Variants in FAM117B observed in about 807,000 individuals in gnomAD.
FAM117B encodes the protein protein FAM117B.
In FAM117B, 22 loss-of-function variants were observed where a neutral mutation model predicts 52.8. The ratio of observed to expected loss-of-function variants is 0.42; its 90% CI spans 0.30 to 0.59. The LOEUF is 0.59. Among genes scored for constraint, FAM117B ranks in the 20% least tolerant of loss-of-function variants. The probability of loss-of-function intolerance (pLI) is 0.22; values close to 1 mark genes in which losing one functional copy is unlikely to be tolerated. For synonymous variants in FAM117B, 309 were observed against 324.1 expected (o/e 0.95, Z 0.50); for missense variants, 678 against 802.6 (o/e 0.84, Z 1.88).
At chr2:202,724,536 A>G (rs1559110251) in intron 2 of FAM117B, among the ~76,000 whole-genome samples, 1 of 152,236 alleles carries the variant, frequency 6.6e-6, no homozygotes, top group African/African-American at 2.4e-5. Flanking sequence ...TAAGAGCACA[A>G]GAATGTTAGC....
intron 4 of FAM117B, among the ~76,000 whole-genome samples, chr2:202,749,567 C>T (rs1691689485): frequency 6.6e-6 from 1 of 151,874 alleles, no homozygotes; most frequent in Non-Finnish European, 1.5e-5. Flanking sequence ...TAGTTGTTAT[C>T]TCTGGTGATT....
In FAM117B at chr2:202,756,486, T is replaced by G. The variant is rs1691802086; in HGVS notation, c.1105-727T>G. Among the ~76,000 whole-genome samples, 2 of 152,166 alleles carry G rather than the reference T, an allele frequency of 1.3e-5. 1 individual carries two copies. Among genetic ancestry groups the G allele is most frequent in the Non-Finnish European group, 2.9e-5 (2 of 68,026 alleles). On this transcript the variant is annotated intron_variant, in intron 5 of 7. Coordinates refer to ENST00000392238, the MANE Select transcript of FAM117B (RefSeq NM_173511.4). ...TTAAAAACCATGCCACAGAGTATAT[T>G]TATTTATCTAACCGTCTCTCTATTC... is the stretch of plus-strand genomic sequence containing the variant.
intron 4 of FAM117B, among the ~76,000 whole-genome samples, chr2:202,746,855 A>G (rs1057015962): frequency 1.3e-5 from 2 of 152,136 alleles, no homozygotes; most frequent in Non-Finnish European, 1.5e-5. Flanking sequence ...ACTATTGCAA[A>G]CAATTATAGA....
intron 1 of FAM117B, among the ~76,000 whole-genome samples, chr2:202,673,415 C>T (rs984059893): frequency 2.2e-5 from 3 of 134,446 alleles, no homozygotes; most frequent in Non-Finnish European, 4.6e-5. Flanking sequence ...GGCTAGCCTA[C>T]CCTATTTTTC....
At position 202,734,672 on chromosome 2, in the gene FAM117B, G is replaced by A. The variant is rs73054753; in HGVS notation, c.960+8309G>A. ...CTCTGCATAGTAATATTACCTGTTC[G>A]TTGTGTTGTCCAGAGGCTTAAATGG... On this transcript the variant is annotated intron_variant, in intron 4 of 7. Transcript: ENST00000392238. Among the ~76,000 whole-genome samples the A allele has an allele frequency of 4.8e-3, 731 of 152,240 alleles. 6 individuals are homozygous for A. The highest frequency in any genetic ancestry group is 0.017 in the African/African-American group (705 of 41,552).
intron 4 of FAM117B, among the ~76,000 whole-genome samples, chr2:202,742,831 A>T (rs1691569355): frequency 6.6e-6 from 1 of 152,202 alleles, no homozygotes; most frequent in African/African-American, 2.4e-5. Context: ...CAGTGCATGC[A>T]TGCACCCTCC....
At chr2:202,715,587 C>T (rs1170179693) in intron 2 of FAM117B, among the ~76,000 whole-genome samples, 2 of 151,936 alleles carry the variant, frequency 1.3e-5, no homozygotes, top group Non-Finnish European at 2.9e-5. Flanking sequence ...AGGCGCTCCT[C>T]ACTTCCCAGA....
chr2:202,644,034 T>C (rs1689812901), intron 1 of FAM117B, among the ~76,000 whole-genome samples: 1 of 147,884 alleles, frequency 6.8e-6, no homozygotes, highest in South Asian at 2.2e-4. Flanking sequence ...TAATATGCTA[T>C]ACTACTGCTT....
intron 2 of FAM117B, among the ~76,000 whole-genome samples, chr2:202,703,893 A>G (rs1690834064): frequency 6.6e-6 from 1 of 152,194 alleles, no homozygotes. Context: ...GGAACTGCCA[A>G]ACTTTTTCAC....
At chr2:202,763,172 C>T (rs903571745) in intron 7 of FAM117B, among the ~76,000 whole-genome samples, 4 of 150,310 alleles carry the variant, frequency 2.7e-5, no homozygotes, top group East Asian at 3.9e-4. Context: ...CCCGGGTTCG[C>T]GCCATTCTCC....
intron 1 of FAM117B, among the ~76,000 whole-genome samples, chr2:202,660,864 C>T (rs943850380): frequency 7.2e-5 from 11 of 152,156 alleles, no homozygotes; most frequent in Non-Finnish European, 1.6e-4. Context: ...TGGTCACTGC[C>T]GAAGCCATAG....
intron 1 of FAM117B, among the ~76,000 whole-genome samples, chr2:202,654,941 A>G (rs918680762): frequency 6.6e-6 from 1 of 151,904 alleles, no homozygotes; most frequent in Non-Finnish European, 1.5e-5. Context: ...TTATATATAT[A>G]TATATTCTCT....
At chr2:202,653,758 T>C (rs1229060308) in intron 1 of FAM117B, among the ~76,000 whole-genome samples, 1 of 152,166 alleles carries the variant, frequency 6.6e-6, no homozygotes, top group Non-Finnish European at 1.5e-5. Context: ...TTATATCCTC[T>C]TGGCAATTAA....
chr2:202,686,661 G>A (rs1690541674), intron 1 of FAM117B, among the ~76,000 whole-genome samples: 1 of 152,092 alleles, frequency 6.6e-6, no homozygotes, highest in Non-Finnish European at 1.5e-5. Context: ...ACAAAAATTA[G>A]CCAGGTTTGG....
chr2:202,684,214 T>C (rs1690503912), intron 1 of FAM117B, among the ~76,000 whole-genome samples: 1 of 152,136 alleles, frequency 6.6e-6, no homozygotes, highest in Admixed American at 6.5e-5. Context: ...GCAGTATAAA[T>C]ATAATGATGA....
At chr2:202,683,310 CAG>C (rs1690491515) in intron 1 of FAM117B, among the ~76,000 whole-genome samples, 1 of 151,968 alleles carries the variant, frequency 6.6e-6, no homozygotes, top group South Asian at 2.1e-4. Context: ...GCTTGGGCGA[CAG>C]GGTGAGACTC....
chr2:202,668,911 A>G (rs1248491323), intron 1 of FAM117B, among the ~76,000 whole-genome samples: 1 of 152,174 alleles, frequency 6.6e-6, no homozygotes, highest in Non-Finnish European at 1.5e-5. Flanking sequence ...TTTGGGGACC[A>G]TGTTTTTAAA....
At position 202,768,596 on chromosome 2, in the gene FAM117B, AC is replaced by A. The variant is rs1692023027; in HGVS notation, c.*2835del. 6.6e-6 allele frequency: 1 copy of A among 152,332 alleles called. No individual in the cohort carries two copies. Among genetic ancestry groups the A allele is most frequent in the Non-Finnish European group, 1.5e-5 (1 of 67,966 alleles). The allele number at this position is 152,332 out of a possible 1,614,324, so 9.4% of individuals were successfully genotyped here. A position where few individuals can be genotyped will look rare whatever the true frequency, so the allele number is the denominator to read the frequency against. On this transcript the variant is annotated 3_prime_UTR_variant, in exon 8 of 8. Transcript: ENST00000392238. ...TAGGTTCATTCAGCTGTTTTATTTA[AC>A]CCTTAGTTCCCTGGTGGTTGATTTT...
intron 1 of FAM117B, among the ~76,000 whole-genome samples, chr2:202,648,156 CAA>C (rs1689897508): frequency 1.3e-5 from 2 of 152,264 alleles, no homozygotes; most frequent in South Asian, 4.1e-4. Flanking sequence ...TCATTCTTCT[CAA>C]GAGAAATCCA....
Sources: allele counts gnomAD v4.1 joint callset (sites outside exome capture counted in the v4.1 genomes callset), GRCh38; gene constraint gnomAD v4.1.1; transcripts MANE v1.5; gene names NCBI Gene and HGNC (gene_info 2026-07-23, HGNC 2026-07-21).